The following MTERF3 variants were observed in gnomAD, a reference collection of about 807,000 sequenced individuals.
MTERF3 encodes the protein transcription termination factor 3, mitochondrial.
In MTERF3, 40 loss-of-function variants were observed where a neutral mutation model predicts 40.5. That is an observed-to-expected ratio of 0.99 (90% CI 0.77 to 1.29). The LOEUF is 1.29. MTERF3 is among the 50% of genes most tolerant of loss of function. MTERF3 has a pLI of 0.00. For synonymous variants in MTERF3, 158 were observed against 166.6 expected (o/e 0.95, Z 0.40); for missense variants, 452 against 478.2 (o/e 0.95, Z 0.51).
rs1809891260 is a variant in MTERF3, at chr8:96,239,926, G to C, written c.1060-241C>G. 7.5e-6 allele frequency: 5 copies of C among 665,822 alleles called. No individual in the cohort carries two copies. The East Asian group carries it at 1.4e-4, about 18-fold the overall frequency. 41.2% of individuals were successfully genotyped at this position (665,822 alleles called of 1,614,324 possible). A position where few individuals can be genotyped will look rare whatever the true frequency, so the allele number is the denominator to read the frequency against. On this transcript the variant is annotated intron_variant, in intron 7 of 7. Coordinates refer to ENST00000287025, the MANE Select transcript of MTERF3 (RefSeq NM_015942.5). The stretch of plus-strand genomic sequence containing the variant: ...AATTCAGGGCTATACTGTGTGCAAA[G>C]AAGATTGAGTGCTCCAGAGACAGAG...
intron 3 of MTERF3, among the ~76,000 whole-genome samples, chr8:96,252,457 C>T (rs933519258): frequency 1.3e-5 from 2 of 152,070 alleles, no homozygotes; most frequent in African/African-American, 4.8e-5. Context: ...TTACGTTTAA[C>T]TACAGAATAG....
intron 3 of MTERF3, among the ~76,000 whole-genome samples, chr8:96,255,966 A>G (rs931716318): frequency 1.3e-5 from 2 of 152,172 alleles, no homozygotes; most frequent in African/African-American, 4.8e-5. Flanking sequence ...AATCTGAGAG[A>G]TTAGAGGTGA....
intron 1 of MTERF3, among the ~76,000 whole-genome samples, chr8:96,260,814 G>T (rs942601465): frequency 1.3e-5 from 2 of 152,228 alleles, no homozygotes; most frequent in African/African-American, 4.8e-5. Context: ...GCAGAGCTGG[G>T]TCTCATCCCT....
In MTERF3 at chr8:96,250,683, G is replaced by GAAGAAGAAGAA. The variant is rs1479466031; in HGVS notation, c.677+222_677+223insTTCTTCTTCTT. 2.7e-4 allele frequency among the ~76,000 whole-genome samples: 16 copies of GAAGAAGAAGAA among 58,928 alleles called. 2 individuals are homozygous for GAAGAAGAAGAA. The highest frequency in any genetic ancestry group is 3.3e-4 in the Non-Finnish European group (9 of 27,096). The allele number at this position is 58,928 out of a possible 152,430, so 38.7% of individuals were successfully genotyped here. ...AGAAGAAGAAGAAGAAGAAGAAGAA[G>GAAGAAGAAGAA]GAGGAGGAGGAGGGGGGGAGGGGGA... On this transcript the variant is annotated intron_variant, in intron 4 of 7. Transcript: ENST00000287025.
chr8:96,243,864 G>C, intron 7 of MTERF3, 55 bp downstream of exon 7: 1 of 1,570,900 alleles, frequency 6.4e-7, no homozygotes, highest in East Asian at 2.2e-5. Flanking sequence ...CTGGAGAGCA[G>C]CTCCAAATGA....
chr8:96,246,836 A>ATT (rs71267235), intron 4 of MTERF3, among the ~76,000 whole-genome samples: 1 of 148,058 alleles, frequency 6.8e-6, no homozygotes, highest in Non-Finnish European at 1.5e-5. Context: ...TCTGCTTAAG[A>ATT]TTTTTTTTTT....
At chr8:96,261,004 C>T (rs553772710) in intron 1 of MTERF3, among the ~76,000 whole-genome samples, 7 of 152,322 alleles carry the variant, frequency 4.6e-5, no homozygotes, top group Non-Finnish European at 1.0e-4. Flanking sequence ...AACCTGAAGT[C>T]TTCTAACAAG....
At chr8:96,260,440 C>A (rs1810361685) in intron 1 of MTERF3, among the ~76,000 whole-genome samples, 1 of 142,420 alleles carries the variant, frequency 7.0e-6, no homozygotes, top group Non-Finnish European at 1.5e-5. Context: ...AGCAGTCTAG[C>A]CCATGATGTG....
At chr8:96,250,501 A>G (rs1810113779) in intron 4 of MTERF3, among the ~76,000 whole-genome samples, 1 of 149,386 alleles carries the variant, frequency 6.7e-6, no homozygotes, top group South Asian at 2.1e-4. Flanking sequence ...ACTTGAGGTC[A>G]GGAGTTCGAG....
chr8:96,247,461 A>G (rs1810042435), intron 4 of MTERF3, among the ~76,000 whole-genome samples: 2 of 152,192 alleles, frequency 1.3e-5, no homozygotes, highest in South Asian at 4.1e-4. Flanking sequence ...AATGTCTAAA[A>G]TATATCAGGA....
At chr8:96,251,557 G>C (rs564741528) in intron 3 of MTERF3, among the ~76,000 whole-genome samples, 3 of 152,064 alleles carry the variant, frequency 2.0e-5, no homozygotes, top group Non-Finnish European at 2.9e-5. Context: ...ATCATAGGGG[G>C]AATAAAAATG....
At chr8:96,258,755 T>G in intron 1 of MTERF3, 55 bp from the exon 2 acceptor site, 1 of 1,314,884 alleles carries the variant, frequency 7.6e-7, no homozygotes, top group Non-Finnish European at 1.0e-6. Flanking sequence ...TACTTAAATG[T>G]TTAAAACGGT....
chr8:96,243,875 A>T, intron 7 of MTERF3, 44 bp downstream of exon 7: 1 of 1,591,356 alleles, frequency 6.3e-7, no homozygotes, highest in Non-Finnish European at 8.6e-7. Context: ...CTCCAAATGA[A>T]GCGCAATGGC....
Position 96,261,588 on chromosome 8 carries a change from C to T in MTERF3, c.-98G>A, listed in dbSNP as rs1248087507. 3 of 154,874 alleles carry T rather than the reference C, an allele frequency of 1.9e-5. 1 individual carries two copies. The East Asian group carries it at 5.8e-4, about 30-fold the overall frequency. 9.6% of individuals were successfully genotyped at this position (154,874 alleles called of 1,614,324 possible). A position where few individuals can be genotyped will look rare whatever the true frequency, so the allele number is the denominator to read the frequency against. ...CGTCCCGTCCCGCCGCGCCGCACGC[C>T]GGCTCCTCAGCCCGCCCTACACAGC... is the stretch of plus-strand genomic sequence containing the variant. On this transcript the variant is annotated 5_prime_UTR_variant, in exon 1 of 8. Coordinates refer to ENST00000287025, the MANE Select transcript of MTERF3 (RefSeq NM_015942.5).
At chr8:96,244,138 T>G in intron 6 of MTERF3, 58 bp from the exon 7 acceptor site, 64 of 1,421,902 alleles carry the variant, frequency 4.5e-5, no homozygotes, top group Non-Finnish European at 5.8e-5. Context: ...TTTGGTACCA[T>G]GGCAAGGCTG....
intron 1 of MTERF3, 140 bp downstream of exon 1, chr8:96,261,356 CACAAA>C (rs1810383833): frequency 6.6e-6 from 1 of 152,312 alleles, no homozygotes; most frequent in African/African-American, 2.4e-5. Context: ...CAGGGAAAAA[CACAAA>C]ACAAAACCAA....
chr8:96,258,819 T>C, intron 1 of MTERF3, 119 bp from the exon 2 acceptor site: 1 of 745,628 alleles, frequency 1.3e-6, no homozygotes, highest in Admixed American at 3.0e-5. Context: ...TTGAAAGGTG[T>C]TTAAATATAT....
chr8:96,247,961 T>C (rs1275989869), intron 4 of MTERF3, among the ~76,000 whole-genome samples: 1 of 152,182 alleles, frequency 6.6e-6, no homozygotes, highest in Non-Finnish European at 1.5e-5. Flanking sequence ...AAATTCAACA[T>C]ATGAAAAGAT....
intron 7 of MTERF3, among the ~76,000 whole-genome samples, chr8:96,240,340 G>T (rs918846308): frequency 2.0e-5 from 3 of 151,612 alleles, no homozygotes; most frequent in African/African-American, 7.3e-5. Flanking sequence ...GTCTTAACAA[G>T]CCCTCTAGAT....
Sources: allele counts gnomAD v4.1 joint callset (sites outside exome capture counted in the v4.1 genomes callset), GRCh38; gene constraint gnomAD v4.1.1; transcripts MANE v1.5; gene names NCBI Gene and HGNC (gene_info 2026-07-23, HGNC 2026-07-21).